CHTF18: variants seen among roughly 807,000 people sequenced by gnomAD.
CHTF18 encodes chromosome transmission fidelity protein 18 homolog.
A neutral mutation model predicts 113.4 loss-of-function variants in CHTF18; 151 were observed. That is an observed-to-expected ratio of 1.33 (90% confidence interval 1.17 to 1.52). The LOEUF (loss-of-function observed/expected upper bound fraction) is 1.52, where lower values mean the gene tolerates loss of function less well. Ranked by LOEUF, CHTF18 falls within the 40% of genes most tolerant of loss-of-function variation. The pLI, the probability that CHTF18 is intolerant of heterozygous loss-of-function variation, is 0.00. For synonymous variants in CHTF18, 916 were observed against 598.8 expected (o/e 1.53, Z -7.74); for missense variants, 1,982 against 1,381.6 (o/e 1.43, Z -6.89).
chr16:789,977 C>T (rs748275122), intron 4 of CHTF18, 200 bp from the exon 5 acceptor site: 15 of 1,535,012 alleles, frequency 9.8e-6, no homozygotes, highest in Admixed American at 5.9e-5. Flanking sequence ...CCTCCTTTCT[C>T]CTAAAGCTGC....
Position 792,298 on chromosome 16 carries a change from G to C in CHTF18, c.1277G>C (p.Gly426Ala), listed in dbSNP as rs1214768527. The C allele has an allele frequency of 4.5e-6, 7 of 1,554,836 alleles. No homozygotes were observed. The East Asian group carries it at 1.5e-4, about 32-fold the overall frequency. The change falls in exon 10 of 22, where the codon GGC becomes GCC. Residue 426 changes from glycine (G) to alanine (A), a missense_variant. Physicochemically the swap from Gly to Ala is moderately conservative, Grantham distance 60 (BLOSUM62 0). Transcript: ENST00000262315. ...CAGATGGAGTCGGTGCTGGGTGCTG[G>C]CGGGAAGCCCAACTGCCTGGTCATC... ...ATQMESVLGA[G>A]GKPNCLVIDE...
rs1222308074 is a variant in CHTF18, at chr16:789,025, C to T, written c.186C>T (p.Ala62=). The change falls in exon 2 of 22, where the codon GCC becomes GCT. Residue 62 remains alanine, a synonymous_variant. Transcript: ENST00000262315. ...AGGCCCTTGCCAGAGGGGACGCGGC[C>T]TCCAGTCCCGCCCCAGCCGCATCTG... ...FEEALARGDA[A]SSPAPAASVG... 5.2e-6 allele frequency: 8 copies of T among 1,536,848 alleles called. No individual in the cohort carries two copies. Among genetic ancestry groups the T allele is most frequent in the South Asian group, 2.4e-5 (2 of 83,656 alleles).
chr16:797,678 T>C lies in CHTF18; in HGVS notation c.2734-16T>C. On this transcript the variant is annotated splice_polypyrimidine_tract_variant and intron_variant, in intron 20 of 21. Coordinates refer to ENST00000262315, the MANE Select transcript of CHTF18 (RefSeq NM_022092.3). ...GCATCTGTCCTATACGACTGACTAG[T>C]CCTTCCTCCCATCAGCCTGAGAAGG... The C allele has an allele frequency of 1.2e-6, 2 of 1,610,956 alleles. No homozygotes were observed. The highest frequency in any genetic ancestry group is 2.2e-5 in the East Asian group (1 of 44,822).
chr16:795,703 C>A lies in CHTF18; in HGVS notation c.2194C>A (p.Gln732Lys), dbSNP rs771507929. The stretch of plus-strand genomic sequence containing the variant: ...GCCCCAGGCCCAGAACCGGATGAGC[C>A]AGATGAGGAACCTGATCCAGACGCT... ...SQQEAQNRMS[Q>K]MRNLIQTLVS... Residue 732 changes from glutamine (Q) to lysine (K), a missense_variant, in exon 17 of 22, where the codon CAG becomes AAG. By Grantham distance (53) the Gln-to-Lys change is moderately conservative. Transcript: ENST00000262315. 12 of 1,602,908 alleles carry A rather than the reference C, an allele frequency of 7.5e-6. No homozygotes were observed. The highest frequency in any genetic ancestry group is 9.3e-6 in the Non-Finnish European group (11 of 1,176,854).
rs1397219419 is a variant in CHTF18, at chr16:797,863, C to T, written c.2816C>T (p.Ser939Leu). The T allele has an allele frequency of 1.9e-6, 3 of 1,608,114 alleles. No individual in the cohort carries two copies. Among genetic ancestry groups the T allele is most frequent in the African/African-American group, 1.3e-5 (1 of 74,960 alleles). Residue 939 changes from serine to leucine, a missense_variant, in exon 22 of 22, where the codon TCA becomes TTA. Ser to Leu is a moderately radical substitution (Grantham distance 145). Transcript: ENST00000262315. ...SAGDTAPEQD[S>L]VERRMGTAVG... ...GGGGACACGGCCCCGGAGCAGGACT[C>T]AGTGGAGCGGCGCATGGGCACAGCG...
Position 788,674 on chromosome 16 carries a change from T to C in CHTF18, c.-11T>C, listed in dbSNP as rs528215529. On this transcript the variant is annotated 5_prime_UTR_variant, in exon 1 of 22. Transcript: ENST00000262315. Reference sequence around the variant, plus strand: ...GGAGGTTCGGAGCGGGAGCTCGGGCTCGCGGACGGTATGGAGGACTACGAG... The same window carrying C: ...GGAGGTTCGGAGCGGGAGCTCGGGCCCGCGGACGGTATGGAGGACTACGAG... 7.2e-6 allele frequency: 11 copies of C among 1,530,946 alleles called. No homozygotes were observed. In the African/African-American group the frequency reaches 1.1e-4, roughly 16 times the overall value. 94.8% of individuals were successfully genotyped at this position (1,530,946 alleles called of 1,614,324 possible). A position where few individuals can be genotyped will look rare whatever the true frequency, so the allele number is the denominator to read the frequency against.
At position 794,059 on chromosome 16, in the gene CHTF18, G is replaced by C; in HGVS notation, c.1808G>C (p.Arg603Pro). 3.1e-6 allele frequency: 5 copies of C among 1,610,236 alleles called. No individual in the cohort carries two copies. The highest frequency in any genetic ancestry group is 4.2e-6 in the Non-Finnish European group (5 of 1,178,794). ...CTTCAGCACCCCACCTGCAGGCGCC[G>C]TGTGGGCCAGGACCCCGCCCTGCCT... is the stretch of plus-strand genomic sequence containing the variant. ...VFQLPRAQRRRVGQDPALPAD... is the reference protein window; with the variant it reads ...VFQLPRAQRRPVGQDPALPAD... The change falls in exon 15 of 22, where the codon CGT becomes CCT. Residue 603 changes from arginine (R) to proline (P), a missense_variant. Arg to Pro is a moderately radical substitution (Grantham distance 103, BLOSUM62 -2). Coordinates refer to ENST00000262315, the MANE Select transcript of CHTF18 (RefSeq NM_022092.3).
rs774390367 is a variant in CHTF18, at chr16:790,640, C to T, written c.868C>T (p.His290Tyr). ...CLWVDEFAPR[H>Y]YTELLSDDFT... ...CTGGGTGGATGAGTTTGCACCCCGCCACTACACGGAGCTGCTCAGTGATGA... is the reference window on the plus strand; with the variant it reads ...CTGGGTGGATGAGTTTGCACCCCGCTACTACACGGAGCTGCTCAGTGATGA... The change falls in exon 7 of 22, where the codon CAC (histidine) becomes TAC (tyrosine). Residue 290 changes from histidine to tyrosine, a missense_variant. Physicochemically the swap from His to Tyr is moderately conservative, Grantham distance 83. Transcript: ENST00000262315. The T allele has an allele frequency of 1.9e-6, 3 of 1,595,394 alleles. No individual in the cohort carries two copies. The highest frequency in any genetic ancestry group is 2.6e-6 in the Non-Finnish European group (3 of 1,173,720).
intron 9 of CHTF18, 22 bp from the exon 10 acceptor site, chr16:792,202 A>C: frequency 6.4e-7 from 1 of 1,561,102 alleles, no homozygotes. Context: ...TGCCCTGACG[A>C]CCCCTGACCT....
At position 789,741 on chromosome 16, in the gene CHTF18, G is replaced by T. The variant is rs182844331; in HGVS notation, c.606+26G>T. 7 of 1,557,386 alleles carry T rather than the reference G, an allele frequency of 4.5e-6. No individual in the cohort carries two copies. In the South Asian group the frequency reaches 8.2e-5, roughly 18 times the overall value. On this transcript the variant is annotated intron_variant, in intron 4 of 21. Coordinates refer to ENST00000262315, the MANE Select transcript of CHTF18 (RefSeq NM_022092.3). ...GTGCGTGGCTGTGGCCTTCCTGCAC[G>T]GTGGGTGGGCCAGTGCTGCTCAGGA...
At position 793,287 on chromosome 16, in the gene CHTF18, C is replaced by T. The variant is rs779285553; in HGVS notation, c.1802+13C>T. On this transcript the variant is annotated intron_variant, in intron 14 of 21. Coordinates refer to ENST00000262315, the MANE Select transcript of CHTF18 (RefSeq NM_022092.3). ...CTCGAGCCCAGAGGTAGGCGGTGGC[C>T]ACAGCCTCGGCCCAGATGCTCACGG... 12 of 1,604,992 alleles carry T rather than the reference C, an allele frequency of 7.5e-6. No individual in the cohort carries two copies. The highest frequency in any genetic ancestry group is 1.3e-5 in the African/African-American group (1 of 74,728).
In CHTF18 at chr16:797,694, C is replaced by T. The variant is rs576984915; in HGVS notation, c.2734C>T (p.Pro912Ser). Reference protein sequence around the residue: ...IMRRAAREEQPEKDFFGRVVV... With the variant: ...IMRRAAREEQSEKDFFGRVVV... ...ACTGACTAGTCCTTCCTCCCATCAGCCTGAGAAGGACTTCTTTGGACGTGT... is the reference window on the plus strand; with the variant it reads ...ACTGACTAGTCCTTCCTCCCATCAGTCTGAGAAGGACTTCTTTGGACGTGT... The change falls in exon 21 of 22, where the codon CCT (proline) becomes TCT (serine). Residue 912 changes from proline to serine, a missense_variant and splice_region_variant. Transcript: ENST00000262315. 14 of 1,611,714 alleles carry T rather than the reference C, an allele frequency of 8.7e-6. No homozygotes were observed. Among genetic ancestry groups the T allele is most frequent in the Admixed American group, 3.3e-5 (2 of 59,956 alleles).
intron 9 of CHTF18, 71 bp from the exon 10 acceptor site, chr16:792,153 G>GC: frequency 6.5e-7 from 1 of 1,529,426 alleles, no homozygotes; most frequent in Admixed American, 2.1e-5. Context: ...AAATGCGGCA[G>GC]CCCCGGCCTT....
intron 17 of CHTF18, 34 bp from the exon 18 acceptor site, chr16:795,913 C>T (rs1483892335): frequency 9.4e-6 from 15 of 1,601,808 alleles, no homozygotes; most frequent in South Asian, 2.2e-5. Flanking sequence ...GTACAGCCTG[C>T]TCAGCTCCCT....
intron 4 of CHTF18, 143 bp downstream of exon 4, chr16:789,858 G>C (rs931604822): frequency 3.8e-6 from 5 of 1,327,638 alleles, no homozygotes; most frequent in Non-Finnish European, 5.1e-6. Context: ...TGCGTCATGG[G>C]GCGTAGACTT....
intron 8 of CHTF18, 56 bp downstream of exon 8, chr16:791,426 C>A: frequency 1.3e-6 from 2 of 1,516,076 alleles, no homozygotes; most frequent in East Asian, 2.4e-5. Flanking sequence ...CACTCGGCGC[C>A]GGCACCCTTG....
intron 16 of CHTF18, 73 bp from the exon 17 acceptor site, chr16:795,612 C>T (rs1403593237): frequency 1.6e-6 from 1 of 643,622 alleles, no homozygotes; most frequent in Admixed American, 3.2e-5. Context: ...TGTGGCTGCC[C>T]TGGCCCCACC....
intron 16 of CHTF18, 41 bp from the exon 17 acceptor site, chr16:795,644 G>T: frequency 7.1e-7 from 1 of 1,405,140 alleles, no homozygotes; most frequent in Non-Finnish European, 9.6e-7. Context: ...CCTCGCCCGG[G>T]AGGCCCAGGT....
Position 795,347 on chromosome 16 carries a change from CCAGCAGGAGGTGTG to C in CHTF18, c.2168_2175+6del. ...CACCCAGGATCACCTTCCCCAGCAG[CCAGCAGGAGGTGTG>C]CTCGTCCCTGCACCACGCCTGCCCC... On this transcript the variant is annotated splice_donor_variant and splice_donor_5th_base_variant and coding_sequence_variant and intron_variant, in exon 16 of 22. Transcript: ENST00000262315. LOFTEE classifies it high-confidence loss of function. 2 of 1,547,416 alleles carry C rather than the reference CCAGCAGGAGGTGTG, an allele frequency of 1.3e-6. No individual in the cohort carries two copies. The highest frequency in any genetic ancestry group is 1.7e-6 in the Non-Finnish European group (2 of 1,146,286).
Sources: allele counts gnomAD v4.1 joint callset, GRCh38; gene constraint gnomAD v4.1.1; transcripts MANE v1.5; gene names NCBI Gene and HGNC (gene_info 2026-07-23, HGNC 2026-07-21).